The following ZNF790 variants were observed in gnomAD, a reference collection of about 807,000 sequenced individuals.
ZNF790 encodes zinc finger protein 790.
Under a neutral mutation model 12.1 loss-of-function variants are expected in ZNF790, and 8 were observed. That is an observed-to-expected ratio of 0.66 (90% CI 0.39 to 1.19). The LOEUF (loss-of-function observed/expected upper bound fraction) is 1.19. ZNF790 is among the 50% of genes most tolerant of loss of function. ZNF790 has a pLI of 0.01. For synonymous variants in ZNF790, 252 were observed against 244.3 expected, an observed-to-expected ratio of 1.03 and a Z score of -0.29; for missense variants, 707 against 752.2, an observed-to-expected ratio of 0.94 and a Z score of 0.70.
intron 2 of ZNF790, among the ~76,000 whole-genome samples, chr19:36,824,162 A>G (rs192436550): frequency 6.7e-6 from 1 of 148,744 alleles, no homozygotes; most frequent in East Asian, 1.9e-4. Context: ...ACGCCCGGCA[A>G]ATTTTTTGTA....
chr19:36,826,178 T>C (rs2071792573), intron 1 of ZNF790, among the ~76,000 whole-genome samples: 1 of 152,196 alleles, frequency 6.6e-6, no homozygotes. Flanking sequence ...CTCTGCCTCC[T>C]GTGTTTTCAT....
intron 1 of ZNF790, among the ~76,000 whole-genome samples, chr19:36,833,151 G>T (rs2071975829): frequency 2.0e-5 from 3 of 152,044 alleles, no homozygotes; most frequent in African/African-American, 7.2e-5. Context: ...TTGTTTGTTG[G>T]TTTGTTTTTG....
chr19:36,832,847 G>A (rs373873843), intron 1 of ZNF790, among the ~76,000 whole-genome samples: 4 of 152,172 alleles, frequency 2.6e-5, no homozygotes, highest in African/African-American at 9.6e-5. Context: ...GAGAGATAAA[G>A]GGTGTCATTT....
intron 1 of ZNF790, among the ~76,000 whole-genome samples, chr19:36,834,458 T>G (rs1012830566): frequency 6.6e-6 from 1 of 152,132 alleles, no homozygotes; most frequent in Non-Finnish European, 1.5e-5. Flanking sequence ...CAATGCACAT[T>G]AAAACAAAGG....
intron 1 of ZNF790, among the ~76,000 whole-genome samples, chr19:36,831,281 A>AT (rs2071940925): frequency 6.6e-6 from 1 of 152,234 alleles, no homozygotes; most frequent in African/African-American, 2.4e-5. Flanking sequence ...AAAAAAAAGT[A>AT]TGATGCAATT....
At chr19:36,827,177 T>TATAC (rs1387560651) in intron 1 of ZNF790, among the ~76,000 whole-genome samples, 3 of 121,256 alleles carry the variant, frequency 2.5e-5, no homozygotes, top group East Asian at 2.4e-4. Flanking sequence ...TATATATATA[T>TATAC]ACACTTACCA....
chr19:36,838,127 C>A lies in ZNF790; in HGVS notation c.-74+210G>T, dbSNP rs576244264. 1.3e-5 allele frequency: 1 copy of A among 75,150 alleles called. No homozygotes were observed. Among genetic ancestry groups the A allele is most frequent in the African/African-American group, 6.1e-5 (1 of 16,510 alleles). The allele number at this position is 75,150 out of a possible 1,614,324, so 4.7% of individuals were successfully genotyped here. A position where few individuals can be genotyped will look rare whatever the true frequency, so the allele number is the denominator to read the frequency against. On this transcript the variant is annotated intron_variant, in intron 1 of 4. Transcript: ENST00000356725. The surrounding 1 kb of genome is among the most constrained non-coding windows in gnomAD (Gnocchi z 4.4). ...GCGCGCACACACACACACACACACA[C>A]ATACACACACACACACACAAGCTCC...
At chr19:36,831,830 T>A (rs1486662365) in intron 1 of ZNF790, among the ~76,000 whole-genome samples, 1 of 152,074 alleles carries the variant, frequency 6.6e-6, no homozygotes, top group Non-Finnish European at 1.5e-5. Context: ...ATAAACGTGA[T>A]GAAAAGTGAA....
chr19:36,827,090 ATG>A (rs202143890), intron 1 of ZNF790, among the ~76,000 whole-genome samples: 1,912 of 117,822 alleles, frequency 0.016, 48 homozygotes, highest in African/African-American at 0.049. Context: ...GTGTGTATAT[ATG>A]TGTGTGTGTG....
intron 1 of ZNF790, among the ~76,000 whole-genome samples, chr19:36,844,702 A>C (rs1222435527): frequency 6.6e-6 from 1 of 152,158 alleles, no homozygotes; most frequent in Non-Finnish European, 1.5e-5. Context: ...AGAAAGGATA[A>C]AAAGACATTT....
intron 2 of ZNF790, among the ~76,000 whole-genome samples, chr19:36,825,292 A>T (rs1035705090): frequency 6.6e-6 from 1 of 152,202 alleles, no homozygotes; most frequent in Non-Finnish European, 1.5e-5. Flanking sequence ...TGTCCCCTTT[A>T]ATTATTCTAT....
intron 4 of ZNF790, among the ~76,000 whole-genome samples, chr19:36,822,885 C>CT (rs2071706072): frequency 6.6e-6 from 1 of 151,946 alleles, no homozygotes; most frequent in African/African-American, 2.4e-5. Flanking sequence ...GAGTCTCACT[C>CT]TGTCGACCAG....
Position 36,823,697 on chromosome 19 carries a change from A to G in ZNF790, c.103T>C (p.Leu35=), listed in dbSNP as rs764633417. 1.7e-5 allele frequency: 27 copies of G among 1,610,436 alleles called. No individual in the cohort carries two copies. Among genetic ancestry groups the G allele is most frequent in the Non-Finnish European group, 2.2e-5 (26 of 1,179,280 alleles). ...EQRDLYRDVM[L]ENYSNMVSLG... ...GAGACCATGTTGCTGTAGTTCTCCAACATCACATCTCTATATAAATCCCTC... is the reference window on the plus strand; with the variant it reads ...GAGACCATGTTGCTGTAGTTCTCCAGCATCACATCTCTATATAAATCCCTC... The change falls in exon 3 of 5, where the codon TTG becomes CTG. Residue 35 remains leucine, a synonymous_variant. Transcript: ENST00000356725.
Position 36,820,123 on chromosome 19 carries a change from TAAG to T in ZNF790, c.230-12_230-10del, listed in dbSNP as rs1260820968. 2.5e-6 allele frequency: 4 copies of T among 1,593,966 alleles called. No individual in the cohort carries two copies. Among genetic ancestry groups the T allele is most frequent in the East Asian group, 2.2e-5 (1 of 44,784 alleles). On this transcript the variant is annotated splice_polypyrimidine_tract_variant and intron_variant, in intron 4 of 4. Coordinates refer to ENST00000356725, the MANE Select transcript of ZNF790 (RefSeq NM_206894.4). ...ACACCTCGACTGCATGTCTGAAAAA[TAAG>T]AAGGTAAAAACATCATACGGTTGTA...
At chr19:36,829,018 G>A (rs2071890972) in intron 1 of ZNF790, among the ~76,000 whole-genome samples, 2 of 152,216 alleles carry the variant, frequency 1.3e-5, no homozygotes, top group Non-Finnish European at 2.9e-5. Flanking sequence ...GAAAGTTTCT[G>A]TGAGCAGGAA....
At chr19:36,823,924 T>TG in intron 2 of ZNF790, 134 bp from the exon 3 acceptor site, 1 of 641,880 alleles carries the variant, frequency 1.6e-6, no homozygotes, top group Non-Finnish European at 2.4e-6. Flanking sequence ...AAACTGGAGT[T>TG]GGCTGCCTGT....
chr19:36,841,087 C>T (rs921528501), upstream of ZNF790, among the ~76,000 whole-genome samples: 1 of 152,002 alleles, frequency 6.6e-6, no homozygotes, highest in Non-Finnish European at 1.5e-5. Context: ...GTTTTTCAAC[C>T]AGAGGTGATT....
chr19:36,831,644 AAG>A (rs1403274396), intron 1 of ZNF790, among the ~76,000 whole-genome samples: 6 of 152,250 alleles, frequency 3.9e-5, no homozygotes, highest in Middle Eastern at 6.8e-3. Flanking sequence ...AAATTTAACA[AAG>A]AAACAAAAAT....
intron 1 of ZNF790, among the ~76,000 whole-genome samples, chr19:36,828,693 T>C (rs1271033921): frequency 6.6e-6 from 1 of 152,146 alleles, no homozygotes; most frequent in Non-Finnish European, 1.5e-5. Flanking sequence ...CCCAGGCTGT[T>C]CTCAAACTCC....
Sources: allele counts gnomAD v4.1 joint callset (sites outside exome capture counted in the v4.1 genomes callset), GRCh38; gene constraint gnomAD v4.1.1; non-coding constraint Gnocchi (gnomAD v3.1); transcripts MANE v1.5; gene names NCBI Gene and HGNC (gene_info 2026-07-23, HGNC 2026-07-21).